Variants in DNAI1 observed in about 807,000 individuals in gnomAD.
The protein encoded by DNAI1 is dynein axonemal intermediate chain 1.
DNAI1 carries 67 observed loss-of-function variants against 92.0 expected under a neutral mutation model. The ratio of observed to expected loss-of-function variants is 0.73; its 90% CI spans 0.60 to 0.89. DNAI1 has a LOEUF of 0.89. Among genes scored for constraint, DNAI1 ranks in the 40% least tolerant of loss-of-function variants. The probability of loss-of-function intolerance (pLI) is 0.00; values close to 1 mark genes in which losing one functional copy is unlikely to be tolerated. For missense variants in DNAI1, 839 were observed against 866.6 expected, an observed-to-expected ratio of 0.97 and a Z score of 0.40; for synonymous variants, 323 against 319.6, an observed-to-expected ratio of 1.01 and a Z score of -0.11.
chr9:34,487,766 G>C (rs1241508226), intron 4 of DNAI1, among the ~76,000 whole-genome samples: 6 of 152,144 alleles, frequency 3.9e-5, no homozygotes, highest in Non-Finnish European at 8.8e-5. Context: ...TTCTGGGAAA[G>C]CTCACCTTAC....
chr9:34,462,385 G>A (rs1167653179), intron 1 of DNAI1, among the ~76,000 whole-genome samples: 1 of 152,076 alleles, frequency 6.6e-6, no homozygotes, highest in Non-Finnish European at 1.5e-5. Flanking sequence ...GTCTAAGCTT[G>A]GCCCTCATAT....
chr9:34,486,091 G>A (rs1824464389), intron 4 of DNAI1, among the ~76,000 whole-genome samples: 1 of 152,146 alleles, frequency 6.6e-6, no homozygotes, highest in Admixed American at 6.6e-5. Flanking sequence ...CTATATAGGG[G>A]ACAATACTCT....
Position 34,517,405 on chromosome 9 carries a change from G to A in DNAI1, c.1939G>A (p.Gly647Ser). The A allele has an allele frequency of 6.2e-7, 1 of 1,614,176 alleles. No individual in the cohort carries two copies. The highest frequency in any genetic ancestry group is 1.1e-5 in the South Asian group (1 of 91,084). ...TCTCATCCACCCCATCATCATTGTGGGCGATGACCGTGGGCACATCATCAG... is the reference window on the plus strand; with the variant it reads ...TCTCATCCACCCCATCATCATTGTGAGCGATGACCGTGGGCACATCATCAG... ...FNLIHPIIIV[G>S]DDRGHIISLK... Residue 647 changes from glycine (G) to serine (S), a missense_variant, in exon 19 of 20, where the codon GGC becomes AGC. By Grantham distance (56) the Gly-to-Ser change is moderately conservative (BLOSUM62 0). Transcript: ENST00000242317.
chr9:34,470,145 A>G (rs1004842228), intron 1 of DNAI1, among the ~76,000 whole-genome samples: 3 of 152,232 alleles, frequency 2.0e-5, no homozygotes, highest in Non-Finnish European at 2.9e-5. Context: ...ACACATGCAC[A>G]AAATACAAAA....
chr9:34,468,332 CA>C (rs1233247111), intron 1 of DNAI1, among the ~76,000 whole-genome samples: 1 of 151,212 alleles, frequency 6.6e-6, no homozygotes. Flanking sequence ...AGGCGCCCGC[CA>C]CCACGCCTGG....
intron 1 of DNAI1, among the ~76,000 whole-genome samples, chr9:34,472,753 TTAAC>T (rs1824163756): frequency 6.6e-6 from 1 of 152,074 alleles, no homozygotes; most frequent in Non-Finnish European, 1.5e-5. Context: ...GATTTAAAAA[TTAAC>T]TAGGCCTGTT....
intron 1 of DNAI1, among the ~76,000 whole-genome samples, chr9:34,462,256 T>G (rs1823965446): frequency 6.6e-6 from 1 of 152,222 alleles, no homozygotes; most frequent in African/African-American, 2.4e-5. Flanking sequence ...CCTCACTTCC[T>G]GGAAAGTGAT....
chr9:34,485,380 C>T (rs1824450097), intron 3 of DNAI1, 57 bp from the exon 4 acceptor site: 1 of 1,602,758 alleles, frequency 6.2e-7, no homozygotes, highest in Non-Finnish European at 8.5e-7. Flanking sequence ...CCTTCTAAGC[C>T]TCAGATAGGG....
At chr9:34,483,126 G>T (rs1450789810) in intron 1 of DNAI1, among the ~76,000 whole-genome samples, 2 of 152,202 alleles carry the variant, frequency 1.3e-5, no homozygotes, top group Non-Finnish European at 2.9e-5. Context: ...ACTCAGCCCC[G>T]GTTCCCGCTG....
intron 19 of DNAI1, among the ~76,000 whole-genome samples, chr9:34,518,355 C>T (rs758767377): frequency 2.6e-5 from 4 of 152,246 alleles, no homozygotes; most frequent in Non-Finnish European, 5.9e-5. Context: ...GAAGGGACTG[C>T]GGCACCATCC....
rs773502146 is a variant in DNAI1 at position 34,514,649 on chromosome 9, G to A, written c.1728G>A (p.Met576Ile). The A allele has an allele frequency of 2.5e-6, 4 of 1,614,068 alleles. No homozygotes were observed. In the African/African-American group the frequency reaches 5.3e-5, roughly 22 times the overall value. ...KIWDHTIKTP[M>I]FIYDLNSAVG... The stretch of plus-strand genomic sequence containing the variant: ...CCCTCCACCTCTGCAGGACCCCGAT[G>A]TTCATCTATGACCTGAACTCAGCCG... The change falls in exon 18 of 20, where the codon ATG becomes ATA. Residue 576 changes from methionine to isoleucine, a missense_variant. Met to Ile is a conservative substitution (Grantham distance 10, BLOSUM62 1). Transcript: ENST00000242317.
chr9:34,483,410 G>T, intron 1 of DNAI1, 38 bp from the exon 2 acceptor site: 1 of 1,601,136 alleles, frequency 6.2e-7, no homozygotes, highest in Non-Finnish European at 8.5e-7. Flanking sequence ...ATGTCAATTT[G>T]CTTATGACTT....
chr9:34,512,489 G>A, intron 15 of DNAI1, 65 bp downstream of exon 15: 1 of 1,486,178 alleles, frequency 6.7e-7, no homozygotes. Flanking sequence ...GAGGGTCAGT[G>A]ACAGTGGTCC....
In DNAI1 at chr9:34,506,689, C is replaced by A; in HGVS notation, c.1126C>A (p.Pro376Thr). 3.7e-6 allele frequency: 6 copies of A among 1,614,214 alleles called. No homozygotes were observed. Among genetic ancestry groups the A allele is most frequent in the Non-Finnish European group, 5.1e-6 (6 of 1,180,046 alleles). Residue 376 changes from proline to threonine, a missense_variant, in exon 13 of 20, where the codon CCT becomes ACT. Transcript: ENST00000242317. ...LLYSLKNPSFPEYMFSSNSGV... is the reference protein window; with the variant it reads ...LLYSLKNPSFTEYMFSSNSGV... ...CTACAGCCTGAAGAACCCCAGCTTC[C>A]CTGAGTACATGTTCAGCAGCAACAG...
At chr9:34,519,147 C>T (rs1825221595) in intron 19 of DNAI1, among the ~76,000 whole-genome samples, 1 of 152,152 alleles carries the variant, frequency 6.6e-6, no homozygotes, top group Non-Finnish European at 1.5e-5. Context: ...CTGACCCTAT[C>T]AGCCAAGTGA....
chr9:34,467,440 TACACACACACACAC>T (rs3039302), intron 1 of DNAI1, among the ~76,000 whole-genome samples: 63 of 137,470 alleles, frequency 4.6e-4, no homozygotes, highest in African/African-American at 1.6e-3. Context: ...TCTACACAAA[TACACACACACACAC>T]ACACACACAC....
intron 13 of DNAI1, among the ~76,000 whole-genome samples, chr9:34,511,271 C>T (rs1825060123): frequency 6.6e-6 from 1 of 152,244 alleles, no homozygotes; most frequent in Admixed American, 6.5e-5. Context: ...CTTCATAAGA[C>T]AACAGCTCTG....
chr9:34,513,241 CCT>C (rs745435922), intron 16 of DNAI1, 50 bp downstream of exon 16: 15 of 1,440,306 alleles, frequency 1.0e-5, no homozygotes, highest in Admixed American at 3.3e-5. Context: ...GACCTGAGCA[CCT>C]GGGGAGCTTA....
At chr9:34,513,551 T>G (rs1451797739) in intron 16 of DNAI1, among the ~76,000 whole-genome samples, 3 of 152,150 alleles carry the variant, frequency 2.0e-5, no homozygotes, top group Admixed American at 6.5e-5. Context: ...GCCAGAATTA[T>G]CTCTGAATAC....
Sources: allele counts gnomAD v4.1 joint callset (sites outside exome capture counted in the v4.1 genomes callset), GRCh38; gene constraint gnomAD v4.1.1; transcripts MANE v1.5; gene names NCBI Gene and HGNC (gene_info 2026-07-23, HGNC 2026-07-21).